Variants in GBF1 observed in about 807,000 individuals in gnomAD.
GBF1 encodes the protein golgi brefeldin A resistant guanine nucleotide exchange factor 1.
A neutral mutation model predicts 210.5 loss-of-function variants in GBF1; 114 were observed. The ratio of observed to expected loss-of-function variants is 0.54; its 90% CI spans 0.47 to 0.63. The LOEUF (loss-of-function observed/expected upper bound fraction) is 0.63, where lower values mean the gene tolerates loss of function less well. Ranked by LOEUF, GBF1 falls within the 30% of genes least tolerant of loss-of-function variation. The probability of loss-of-function intolerance (pLI) is 0.00; values close to 1 mark genes in which losing one functional copy is unlikely to be tolerated. For missense variants in GBF1, 1,851 were observed against 2,357.7 expected, an observed-to-expected ratio of 0.79 and a Z score of 4.45; for synonymous variants, 850 against 889.2, an observed-to-expected ratio of 0.96 and a Z score of 0.78.
Position 102,368,310 on chromosome 10 carries a change from A to G in GBF1, c.2735A>G (p.Glu912Gly), listed in dbSNP as rs2060018147. Residue 912 changes from glutamate (E) to glycine (G), a missense_variant, in exon 22 of 40, where the codon GAG becomes GGG. Coordinates refer to ENST00000369983, the MANE Select transcript of GBF1 (RefSeq NM_001377137.1). ...NVLLHRGATP[E>G]GIFLRVPTAS... ...CTGCTTCATCGAGGTGCCACCCCTG[A>G]GGGCATATTCCTGCGTGTGCCTACT... 1.2e-6 allele frequency: 2 copies of G among 1,614,002 alleles called. No individual in the cohort carries two copies. The highest frequency in any genetic ancestry group is 1.7e-6 in the Non-Finnish European group (2 of 1,179,832).
At chr10:102,303,613 G>A (rs1054081734) in intron 3 of GBF1, among the ~76,000 whole-genome samples, 2 of 152,146 alleles carry the variant, frequency 1.3e-5, no homozygotes, top group Non-Finnish European at 2.9e-5. Context: ...GGATTACAGT[G>A]TCTGTAAGCC....
chr10:102,355,719 A>G (rs2059253906), intron 8 of GBF1, among the ~76,000 whole-genome samples: 1 of 152,228 alleles, frequency 6.6e-6, no homozygotes, highest in Non-Finnish European at 1.5e-5. Flanking sequence ...GACTGCCTGG[A>G]GTCCCTGAAA....
chr10:102,260,224 T>A, intron 3 of GBF1, 108 bp downstream of exon 3: 1 of 621,836 alleles, frequency 1.6e-6, no homozygotes. Context: ...AGTAAATAAT[T>A]TAGGCTTTGT....
chr10:102,342,199 G>T (rs1244539866), intron 3 of GBF1, among the ~76,000 whole-genome samples: 3 of 151,826 alleles, frequency 2.0e-5, no homozygotes, highest in African/African-American at 7.3e-5. Context: ...ACCACACCCA[G>T]CTAATTTTTT....
chr10:102,260,124 T>A lies in GBF1; in HGVS notation c.163+8T>A. The A allele has an allele frequency of 7.2e-7, 1 of 1,379,856 alleles. No individual in the cohort carries two copies. Among genetic ancestry groups the A allele is most frequent in the Non-Finnish European group, 1.0e-6 (1 of 971,376 alleles). The allele number at this position is 1,379,856 out of a possible 1,614,324, so 85.5% of individuals were successfully genotyped here. On this transcript the variant is annotated splice_region_variant and intron_variant, in intron 3 of 39. Transcript: ENST00000369983. ...TTTTAAACAGTATAACAGGTAAGTC[T>A]CCATATGTATGTGGATTACTAATCT... is the stretch of plus-strand genomic sequence containing the variant.
At chr10:102,309,072 GCCGACTA>G (rs767623070) in intron 3 of GBF1, among the ~76,000 whole-genome samples, 6 of 152,106 alleles carry the variant, frequency 3.9e-5, no homozygotes, top group Non-Finnish European at 7.4e-5. Context: ...TGATCTGAGT[GCCGACTA>G]CATGAGTGGT....
intron 3 of GBF1, among the ~76,000 whole-genome samples, chr10:102,333,903 C>G (rs1331314858): frequency 6.6e-6 from 1 of 152,208 alleles, no homozygotes; most frequent in Non-Finnish European, 1.5e-5. Flanking sequence ...AACACTTTCT[C>G]CTAAAATGGA....
At position 102,288,683 on chromosome 10, in the gene GBF1, A is replaced by G. The variant is rs894265772; in HGVS notation, c.163+28567A>G. ...CCGAGATTGCGCCACTGCAGTCCGC[A>G]GTCCGGCCTGGGCGACAGAGCGAGA... On this transcript the variant is annotated intron_variant, in intron 3 of 39. Coordinates refer to ENST00000369983, the MANE Select transcript of GBF1 (RefSeq NM_001377137.1). Among the ~76,000 whole-genome samples the G allele has an allele frequency of 7.0e-5, 10 of 141,868 alleles. No individual in the cohort carries two copies. In the East Asian group the frequency reaches 1.8e-3, roughly 25 times the overall value. The allele number at this position is 141,868 out of a possible 152,430, so 93.1% of individuals were successfully genotyped here.
At chr10:102,239,382 C>G in the GBF1 span, among the ~76,000 whole-genome samples, 3 of 152,320 alleles carry the variant, frequency 2.0e-5, no homozygotes, top group Admixed American at 2.0e-4. Flanking sequence ...TTTCCCTGTT[C>G]CTTTCCTGAC....
upstream of GBF1, among the ~76,000 whole-genome samples, chr10:102,242,248 A>G (rs1186992931): frequency 6.6e-6 from 1 of 152,186 alleles, no homozygotes; most frequent in Non-Finnish European, 1.5e-5. Context: ...CGCTGCCACG[A>G]ACTGCACCAT....
At position 102,380,597 on chromosome 10, in the gene GBF1, C is replaced by G; in HGVS notation, c.5084C>G (p.Pro1695Arg). The G allele has an allele frequency of 6.2e-7, 1 of 1,613,908 alleles. No individual in the cohort carries two copies. The highest frequency in any genetic ancestry group is 8.5e-7 in the Non-Finnish European group (1 of 1,179,892). Reference sequence around the variant, plus strand: ...AGTGCAGATGCACGGGGAGGCGGCCCCTCGGCCCTCTGGGAGATCACCTGG... The same window carrying G: ...AGTGCAGATGCACGGGGAGGCGGCCGCTCGGCCCTCTGGGAGATCACCTGG... ...FHSADARGGG[P>R]SALWEITWER... Residue 1695 changes from proline (P) to arginine (R), a missense_variant, in exon 38 of 40, where the codon CCC becomes CGC. Pro to Arg is a moderately radical substitution (Grantham distance 103, BLOSUM62 -2). This residue lies in a region of GBF1 where 967 missense variants were observed against 1,247.7 expected (regional missense o/e 0.78). Transcript: ENST00000369983.
intron 3 of GBF1, among the ~76,000 whole-genome samples, chr10:102,277,027 G>C (rs2075048592): frequency 6.6e-6 from 1 of 151,644 alleles, no homozygotes; most frequent in Non-Finnish European, 1.5e-5. Context: ...TGTATATATA[G>C]ACATAAAATT....
intron 3 of GBF1, among the ~76,000 whole-genome samples, chr10:102,315,652 A>G (rs2078865879): frequency 6.6e-6 from 1 of 152,254 alleles, no homozygotes; most frequent in African/African-American, 2.4e-5. Context: ...TTGTGCTCCT[A>G]TGAAAATCTA....
rs535769138 is a variant in GBF1 at position 102,362,308 on chromosome 10, G to A, written c.1687-167G>A. On this transcript the variant is annotated intron_variant, in intron 14 of 39. Coordinates refer to ENST00000369983, the MANE Select transcript of GBF1 (RefSeq NM_001377137.1). ...CCTGACCTTGTGATCCACCCGCCTC[G>A]GCCTCCCAAAGTGCTGGGATTACAG... Among the ~76,000 whole-genome samples, 16 of 151,620 alleles carry A rather than the reference G, an allele frequency of 1.1e-4. No homozygotes were observed. In the East Asian group the frequency reaches 2.7e-3, roughly 26 times the overall value.
At chr10:102,352,183 C>T (rs2059026408) in intron 6 of GBF1, among the ~76,000 whole-genome samples, 1 of 152,192 alleles carries the variant, frequency 6.6e-6, no homozygotes, top group South Asian at 2.1e-4. Flanking sequence ...ATTGACTTAG[C>T]CCAGGCACCA....
chr10:102,378,701 TG>T (rs1175346569), intron 33 of GBF1, among the ~76,000 whole-genome samples: 2 of 152,114 alleles, frequency 1.3e-5, no homozygotes, highest in Non-Finnish European at 2.9e-5. Context: ...CCTAAAACTT[TG>T]GGAGGACTAT....
intron 3 of GBF1, among the ~76,000 whole-genome samples, chr10:102,302,069 C>T (rs1273502518): frequency 6.6e-6 from 1 of 152,236 alleles, no homozygotes; most frequent in Non-Finnish European, 1.5e-5. Flanking sequence ...TGGAGACCAG[C>T]CCGGCCAACA....
At chr10:102,352,027 C>G in intron 6 of GBF1, 76 bp downstream of exon 6, 1 of 840,846 alleles carries the variant, frequency 1.2e-6, no homozygotes, top group East Asian at 2.4e-5. Context: ...GCTGTCTTCC[C>G]AGAGAGATGG....
chr10:102,339,820 C>G (rs1565129427), intron 3 of GBF1, among the ~76,000 whole-genome samples: 1 of 152,124 alleles, frequency 6.6e-6, no homozygotes, highest in Non-Finnish European at 1.5e-5. Context: ...GGGTCTTACT[C>G]TGTCACCCCA....
Sources: gnomAD v4.1 joint callset for allele counts (sites outside exome capture counted in the v4.1 genomes callset) on GRCh38, gnomAD v4.1.1 for gene constraint, gnomAD v4.1.1 regional missense constraint, MANE v1.5 for transcripts, NCBI Gene and HGNC (gene_info 2026-07-23, HGNC 2026-07-21) for gene names.